Variants in ZNF609 observed in about 807,000 individuals in gnomAD.
The protein encoded by ZNF609 is zinc finger protein 609.
ZNF609 carries 11 observed loss-of-function variants against 109.5 expected under a neutral mutation model. The ratio of observed to expected loss-of-function variants is 0.10; its 90% CI spans 0.06 to 0.17. The LOEUF is 0.17. Among genes scored for constraint, ZNF609 ranks in the 10% least tolerant of loss-of-function variants. ZNF609 has a pLI of 1.00. For synonymous variants in ZNF609, 646 were observed against 662.0 expected (o/e 0.98, Z 0.37); for missense variants, 1,559 against 1,772.4 (o/e 0.88, Z 2.16).
intron 2 of ZNF609, among the ~76,000 whole-genome samples, chr15:64,596,490 G>C (rs555890802): frequency 1.3e-5 from 2 of 152,216 alleles, no homozygotes; most frequent in South Asian, 4.2e-4. Flanking sequence ...TGCATATGCT[G>C]TTCCCTCTGC....
intron 2 of ZNF609, among the ~76,000 whole-genome samples, chr15:64,605,047 G>A (rs1308644901): frequency 1.3e-5 from 2 of 152,076 alleles, no homozygotes; most frequent in Non-Finnish European, 2.9e-5. Context: ...TAGCCAGGAT[G>A]GTCTTGATCT....
chr15:64,486,299 G>C (rs773800766), intron 1 of ZNF609, among the ~76,000 whole-genome samples: 1 of 152,080 alleles, frequency 6.6e-6, no homozygotes, highest in Non-Finnish European at 1.5e-5. Context: ...CAAGGCAGGC[G>C]GATCACCTGA....
At chr15:64,489,005 G>A (rs1223876570) in intron 1 of ZNF609, among the ~76,000 whole-genome samples, 1 of 152,020 alleles carries the variant, frequency 6.6e-6, no homozygotes, top group African/African-American at 2.4e-5. Flanking sequence ...GGAGACTGAA[G>A]CAGGAGGAGG....
intron 2 of ZNF609, among the ~76,000 whole-genome samples, chr15:64,584,536 A>G (rs532803137): frequency 2.0e-5 from 3 of 152,024 alleles, no homozygotes; most frequent in Non-Finnish European, 2.9e-5. Context: ...CGTGACCTCA[A>G]GTAATCCACC....
At chr15:64,573,219 CT>C (rs757661525) in intron 2 of ZNF609, among the ~76,000 whole-genome samples, 1,598 of 138,548 alleles carry the variant, frequency 0.012, 22 homozygotes, top group African/African-American at 0.034. Flanking sequence ...GGAGTTTGAT[CT>C]TTTTTTTTTT....
At chr15:64,461,631 C>A (rs1227044471) in intron 1 of ZNF609, among the ~76,000 whole-genome samples, 1 of 152,152 alleles carries the variant, frequency 6.6e-6, no homozygotes, top group Non-Finnish European at 1.5e-5. Context: ...ATTTCAGCTT[C>A]GAGGAATTAG....
chr15:64,622,701 A>G (rs1347474333), intron 2 of ZNF609, 126 bp from the exon 3 acceptor site: 3 of 794,614 alleles, frequency 3.8e-6, no homozygotes, highest in Admixed American at 2.2e-5. Flanking sequence ...AGGAAGAACC[A>G]AAGTCTTATT....
intron 1 of ZNF609, among the ~76,000 whole-genome samples, chr15:64,469,478 A>C (rs1252534543): frequency 6.6e-6 from 1 of 151,428 alleles, no homozygotes; most frequent in Non-Finnish European, 1.5e-5. Context: ...ACAGGACAAA[A>C]ATATTTAACA....
At chr15:64,567,692 C>T (rs901505989) in intron 2 of ZNF609, among the ~76,000 whole-genome samples, 61 of 151,490 alleles carry the variant, frequency 4.0e-4, no homozygotes, top group East Asian at 3.9e-4. Context: ...GACAGGATCT[C>T]GCTCGGTCAC....
chr15:64,484,050 C>CT lies in ZNF609; in HGVS notation c.-127-15229dup, dbSNP rs11290071. ...AGAGGGTGCTGTTTCAGTTTCTTTC[C>CT]TTTTTTTTTTTTTTGTCCTGGTGAC... On this transcript the variant is annotated intron_variant, in intron 1 of 9. Coordinates refer to ENST00000326648, the MANE Select transcript of ZNF609 (RefSeq NM_015042.2). 3.1e-5 allele frequency among the ~76,000 whole-genome samples: 4 copies of CT among 128,802 alleles called. No homozygotes were observed. The South Asian group carries it at 6.9e-4, about 22-fold the overall frequency. 84.5% of individuals were successfully genotyped at this position (128,802 alleles called of 152,430 possible).
intron 2 of ZNF609, among the ~76,000 whole-genome samples, chr15:64,544,951 C>T (rs1169373722): frequency 6.6e-6 from 1 of 152,164 alleles, no homozygotes; most frequent in African/African-American, 2.4e-5. Context: ...TGGACAATTC[C>T]AGAAAGCAAT....
intron 2 of ZNF609, among the ~76,000 whole-genome samples, chr15:64,564,242 C>CA (rs1177491837): frequency 2.6e-5 from 4 of 151,972 alleles, no homozygotes; most frequent in African/African-American, 4.8e-5. Flanking sequence ...AGGTTAGGTA[C>CA]TATTCGTGGT....
intron 2 of ZNF609, among the ~76,000 whole-genome samples, chr15:64,563,527 G>T (rs113430989): frequency 0.046 from 7,031 of 151,918 alleles, 541 homozygotes; most frequent in African/African-American, 0.16. Flanking sequence ...CTGTAATCCC[G>T]GCACTTGGGG....
chr15:64,648,679 A>G (rs1422527071), intron 3 of ZNF609, among the ~76,000 whole-genome samples: 1 of 151,496 alleles, frequency 6.6e-6, no homozygotes, highest in East Asian at 1.9e-4. Flanking sequence ...GATAATATAT[A>G]GAAGATGTTA....
At position 64,578,518 on chromosome 15, in the gene ZNF609, C is replaced by A. The variant is rs988289896; in HGVS notation, c.748-44309C>A. Among the ~76,000 whole-genome samples the A allele has an allele frequency of 5.3e-5, 8 of 152,194 alleles. No homozygotes were observed. In the South Asian group the frequency reaches 1.2e-3, roughly 24 times the overall value. ...GATCAGCCTGACCAACATGGTGAAT[C>A]CCCGTCTCTACTAAAAATACAAAAA... On this transcript the variant is annotated intron_variant, in intron 2 of 9. Coordinates refer to ENST00000326648, the MANE Select transcript of ZNF609 (RefSeq NM_015042.2).
intron 2 of ZNF609, among the ~76,000 whole-genome samples, chr15:64,526,434 T>C (rs1295598863): frequency 6.6e-6 from 1 of 152,154 alleles, no homozygotes; most frequent in African/African-American, 2.4e-5. Flanking sequence ...TCGATGTCTT[T>C]TTTCTTTATT....
At chr15:64,512,192 G>T (rs927014679) in intron 2 of ZNF609, among the ~76,000 whole-genome samples, 8 of 152,068 alleles carry the variant, frequency 5.3e-5, no homozygotes, top group Admixed American at 1.3e-4. Context: ...TTAATTAGGA[G>T]AATTAATTAT....
At chr15:64,524,728 G>C (rs1020185202) in intron 2 of ZNF609, among the ~76,000 whole-genome samples, 3 of 152,054 alleles carry the variant, frequency 2.0e-5, no homozygotes, top group African/African-American at 7.2e-5. Flanking sequence ...GGGATATTTG[G>C]GTTTTTTCCT....
intron 1 of ZNF609, among the ~76,000 whole-genome samples, chr15:64,484,028 G>A (rs1893295426): frequency 6.9e-6 from 1 of 144,618 alleles, no homozygotes; most frequent in African/African-American, 2.6e-5. Context: ...TTTGATCAGA[G>A]GGTGCTGTTT....
Sources: allele counts gnomAD v4.1 joint callset (sites outside exome capture counted in the v4.1 genomes callset), GRCh38; gene constraint gnomAD v4.1.1; transcripts MANE v1.5; gene names NCBI Gene and HGNC (gene_info 2026-07-23, HGNC 2026-07-21).